The following CDH6 variants were observed in gnomAD, a reference collection of about 807,000 sequenced individuals.
CDH6 encodes the protein cadherin-6.
A neutral mutation model predicts 78.0 loss-of-function variants in CDH6; 31 were observed. The ratio of observed to expected loss-of-function variants is 0.40; its 90% confidence interval spans 0.30 to 0.54. CDH6 has a LOEUF of 0.54. Among genes scored for constraint, CDH6 ranks in the 20% least tolerant of loss-of-function variants. The probability of loss-of-function intolerance (pLI) is 0.56; values close to 1 mark genes in which losing one functional copy is unlikely to be tolerated. For missense variants in CDH6, 724 were observed against 975.9 expected, an observed-to-expected ratio of 0.74 and a Z score of 3.44; for synonymous variants, 376 against 368.8, an observed-to-expected ratio of 1.02 and a Z score of -0.23.
intron 8 of CDH6, 49 bp from the exon 9 acceptor site, chr5:31,316,159 C>T (rs761742102): frequency 6.0e-5 from 94 of 1,572,110 alleles, no homozygotes; most frequent in Admixed American, 7.6e-5. Flanking sequence ...TAAAGGGAAT[C>T]GGCAATCAAC....
rs868119937 is a variant in CDH6 at position 31,325,325 on chromosome 5, C to T, written c.*2017C>T. ...CTAGTTCTTCATACACACACATACA[C>T]ACACACACACACACACACACACACA... On this transcript the variant is annotated 3_prime_UTR_variant, in exon 12 of 12. Transcript: ENST00000265071. 1 of 27,832 alleles carries T rather than the reference C, an allele frequency of 3.6e-5. No individual in the cohort carries two copies. The highest frequency in any genetic ancestry group is 8.4e-5 in the Non-Finnish European group (1 of 11,898). 1.7% of individuals were successfully genotyped at this position (27,832 alleles called of 1,614,324 possible).
chr5:31,259,464 A>C (rs1742152401), intron 1 of CDH6, among the ~76,000 whole-genome samples: 1 of 152,188 alleles, frequency 6.6e-6, no homozygotes, highest in Non-Finnish European at 1.5e-5. Context: ...GCTCATAGAA[A>C]TCATCCATGC....
At chr5:31,284,105 G>A (rs138655543) in intron 2 of CDH6, among the ~76,000 whole-genome samples, 9 of 152,264 alleles carry the variant, frequency 5.9e-5, no homozygotes, top group African/African-American at 1.9e-4. Context: ...ATGAGCCACC[G>A]TGCCCAGCCC....
intron 11 of CDH6, among the ~76,000 whole-genome samples, chr5:31,322,549 A>G (rs751230059): frequency 1.3e-5 from 2 of 152,112 alleles, no homozygotes; most frequent in African/African-American, 2.4e-5. Context: ...CTAGTTTGCC[A>G]TTTCAAAGTA....
intron 1 of CDH6, among the ~76,000 whole-genome samples, chr5:31,223,911 A>G (rs1034658148): frequency 2.6e-5 from 4 of 152,242 alleles, no homozygotes; most frequent in Admixed American, 6.5e-5. Context: ...AGATTTATCA[A>G]TGATGGTGAT....
chr5:31,277,353 A>G (rs1742726592), intron 2 of CDH6, among the ~76,000 whole-genome samples: 1 of 152,176 alleles, frequency 6.6e-6, no homozygotes, highest in African/African-American at 2.4e-5. Context: ...TTTGTTTGTA[A>G]TAAGAAAGTT....
Position 31,323,471 on chromosome 5 carries a change from C to A in CDH6, c.*163C>A. On this transcript the variant is annotated 3_prime_UTR_variant, in exon 12 of 12. Transcript: ENST00000265071. ...ATGTTAGAGACTTTTTTCTAGTACA[C>A]TTTTATGAGCTTCCAAGGGGCAAAT... 1 of 772,188 alleles carries A rather than the reference C, an allele frequency of 1.3e-6. No individual in the cohort carries two copies. The highest frequency in any genetic ancestry group is 2.7e-5 in the East Asian group (1 of 36,734). The allele number at this position is 772,188 out of a possible 1,614,324, so 47.8% of individuals were successfully genotyped here.
chr5:31,212,171 T>C (rs1203879386), intron 1 of CDH6, among the ~76,000 whole-genome samples: 2 of 152,192 alleles, frequency 1.3e-5, no homozygotes, highest in African/African-American at 4.8e-5. Flanking sequence ...AATCAAGGTG[T>C]TGTGAGGAAT....
intron 2 of CDH6, among the ~76,000 whole-genome samples, chr5:31,276,313 G>A (rs1358065191): frequency 1.3e-5 from 2 of 152,082 alleles, no homozygotes; most frequent in Non-Finnish European, 2.9e-5. Flanking sequence ...GAAATTATGT[G>A]ACCTGGAATA....
chr5:31,258,644 A>G (rs571624523), intron 1 of CDH6, among the ~76,000 whole-genome samples: 7 of 152,266 alleles, frequency 4.6e-5, no homozygotes, highest in Admixed American at 1.3e-4. Context: ...AATTTAAAAA[A>G]AAAAGAAAAG....
chr5:31,285,905 C>T (rs1742997924), intron 2 of CDH6, among the ~76,000 whole-genome samples: 1 of 152,160 alleles, frequency 6.6e-6, no homozygotes, highest in Admixed American at 6.5e-5. Flanking sequence ...TGAATTACCT[C>T]CTCAGATTGT....
intron 6 of CDH6, among the ~76,000 whole-genome samples, chr5:31,303,797 C>G (rs1737899188): frequency 6.6e-6 from 1 of 151,936 alleles, no homozygotes. Context: ...GTCTTAATAT[C>G]TGGAAACACA....
intron 5 of CDH6, among the ~76,000 whole-genome samples, chr5:31,301,034 G>A (rs564775398): frequency 6.6e-6 from 1 of 152,226 alleles, no homozygotes; most frequent in African/African-American, 2.4e-5. Flanking sequence ...GAGGTGGGAG[G>A]ATTGCTTGAG....
chr5:31,208,732 C>T (rs12521362), intron 1 of CDH6, among the ~76,000 whole-genome samples: 9,662 of 151,940 alleles, frequency 0.064, 620 homozygotes, highest in East Asian at 0.38. Flanking sequence ...TATGGAAAAC[C>T]CTTATGTATG....
At chr5:31,256,112 G>C (rs1742047278) in intron 1 of CDH6, among the ~76,000 whole-genome samples, 1 of 152,174 alleles carries the variant, frequency 6.6e-6, no homozygotes. Flanking sequence ...TGATTGACCT[G>C]AAGTGAAAGA....
At chr5:31,238,506 GT>G (rs1443578593) in intron 1 of CDH6, among the ~76,000 whole-genome samples, 2 of 151,992 alleles carry the variant, frequency 1.3e-5, no homozygotes, top group East Asian at 3.9e-4. Flanking sequence ...TTTCTAAATT[GT>G]TTTTTTCTTC....
intron 1 of CDH6, among the ~76,000 whole-genome samples, chr5:31,196,247 C>T (rs536665821): frequency 7.9e-5 from 12 of 152,274 alleles, no homozygotes; most frequent in African/African-American, 2.9e-4. Context: ...CTGCTCGAGA[C>T]ACTTGAAAAC....
intron 1 of CDH6, among the ~76,000 whole-genome samples, chr5:31,239,713 G>T (rs1261624048): frequency 6.6e-6 from 1 of 152,192 alleles, no homozygotes; most frequent in Non-Finnish European, 1.5e-5. Flanking sequence ...GTGATGAAAA[G>T]TGAAGAATCT....
intron 6 of CDH6, among the ~76,000 whole-genome samples, chr5:31,303,059 T>C (rs1737876808): frequency 2.0e-5 from 3 of 152,278 alleles, no homozygotes; most frequent in Admixed American, 1.3e-4. Flanking sequence ...TTCATGTTAA[T>C]TCTATACATC....
Sources: allele counts gnomAD v4.1 joint callset (sites outside exome capture counted in the v4.1 genomes callset), GRCh38; gene constraint gnomAD v4.1.1; transcripts MANE v1.5; gene names NCBI Gene and HGNC (gene_info 2026-07-23, HGNC 2026-07-21).